SOX6: variants seen among roughly 807,000 people sequenced by gnomAD.
SOX6 encodes the protein SRY-box transcription factor 6, also known as transcription factor SOX-6.
A neutral mutation model predicts 97.8 loss-of-function variants in SOX6; 11 were observed. The ratio of observed to expected loss-of-function variants is 0.11; its 90% CI spans 0.07 to 0.19. The LOEUF (loss-of-function observed/expected upper bound fraction) is 0.19, where lower values mean the gene tolerates loss of function less well. Ranked by LOEUF, SOX6 falls within the 10% of genes least tolerant of loss-of-function variation. SOX6 has a pLI of 1.00. For missense variants in SOX6, 810 were observed against 1,039.5 expected (o/e 0.78, Z 3.04); for synonymous variants, 360 against 371.4 (o/e 0.97, Z 0.35).
At chr11:16,087,889 A>T (rs1034650671) in intron 9 of SOX6, among the ~76,000 whole-genome samples, 1 of 152,056 alleles carries the variant, frequency 6.6e-6, no homozygotes, top group Non-Finnish European at 1.5e-5. Flanking sequence ...TTGGAATTTT[A>T]GACTGTATAA....
intron 3 of SOX6, among the ~76,000 whole-genome samples, chr11:16,271,817 A>C (rs1421026106): frequency 6.6e-6 from 1 of 151,142 alleles, no homozygotes; most frequent in African/African-American, 2.4e-5. Flanking sequence ...TATTTTGATT[A>C]AACTGTTTTA....
chr11:16,108,463 T>C (rs958755344), intron 7 of SOX6, among the ~76,000 whole-genome samples: 2 of 152,218 alleles, frequency 1.3e-5, no homozygotes, highest in Non-Finnish European at 2.9e-5. Flanking sequence ...AGATGCTTTA[T>C]CTTTTAATTT....
chr11:16,589,333 G>C (rs987441965), intron 4 of SOX6, among the ~76,000 whole-genome samples: 29 of 152,042 alleles, frequency 1.9e-4, no homozygotes, highest in Non-Finnish European at 8.8e-5. Context: ...TCCTTACCTA[G>C]ATTTAAATAC....
At chr11:16,182,134 G>C (rs1851363040) in intron 6 of SOX6, among the ~76,000 whole-genome samples, 1 of 151,776 alleles carries the variant, frequency 6.6e-6, no homozygotes, top group South Asian at 2.1e-4. Flanking sequence ...AAAATATTCT[G>C]AACTGATTTG....
At chr11:16,043,344 G>T (rs769005525) in intron 12 of SOX6, among the ~76,000 whole-genome samples, 2 of 152,108 alleles carry the variant, frequency 1.3e-5, no homozygotes, top group Non-Finnish European at 2.9e-5. Flanking sequence ...CAGAAGCTAT[G>T]TTGAAACGAT....
intron 6 of SOX6, among the ~76,000 whole-genome samples, chr11:16,148,826 C>G (rs1297302229): frequency 1.3e-5 from 2 of 152,016 alleles, no homozygotes; most frequent in Non-Finnish European, 2.9e-5. Flanking sequence ...CTCTTGTCCT[C>G]AATTAATTGC....
intron 4 of SOX6, among the ~76,000 whole-genome samples, chr11:16,557,812 G>T (rs963155288): frequency 2.0e-5 from 3 of 151,780 alleles, no homozygotes; most frequent in Admixed American, 6.6e-5. Flanking sequence ...CACAAGAATT[G>T]TTCCTTTTTC....
intron 3 of SOX6, among the ~76,000 whole-genome samples, chr11:16,241,794 T>TA (rs747239481): frequency 1.3e-5 from 2 of 151,952 alleles, no homozygotes; most frequent in Non-Finnish European, 2.9e-5. Flanking sequence ...GGCACATAGA[T>TA]AGAGCCTGCC....
intron 1 of SOX6, among the ~76,000 whole-genome samples, chr11:16,459,555 A>T (rs1028304765): frequency 3.9e-5 from 6 of 152,046 alleles, no homozygotes; most frequent in Non-Finnish European, 7.4e-5. Flanking sequence ...TAAAACAGCT[A>T]TTATACTTGC....
intron 1 of SOX6, among the ~76,000 whole-genome samples, chr11:16,342,481 C>G (rs985719385): frequency 6.3e-4 from 95 of 151,912 alleles, no homozygotes; most frequent in African/African-American, 2.1e-3. Flanking sequence ...GAGCATTTTT[C>G]AAATTAGCAA....
At chr11:16,516,041 G>C (rs528419748) in intron 4 of SOX6, among the ~76,000 whole-genome samples, 1 of 151,548 alleles carries the variant, frequency 6.6e-6, no homozygotes, top group East Asian at 1.9e-4. Flanking sequence ...GCTCTTTTTT[G>C]GTTCCATATG....
chr11:16,185,115 A>T (rs1019435898), intron 5 of SOX6, among the ~76,000 whole-genome samples: 19 of 152,206 alleles, frequency 1.2e-4, no homozygotes, highest in Non-Finnish European at 5.9e-5. Flanking sequence ...ATGACAAAAT[A>T]GCAGTCTGCT....
intron 14 of SOX6, among the ~76,000 whole-genome samples, chr11:15,987,195 G>A (rs1447265136): frequency 6.6e-6 from 1 of 152,088 alleles, no homozygotes; most frequent in East Asian, 1.9e-4. Context: ...TTTGTGTCTC[G>A]CTGGTGAATA....
chr11:16,097,855 G>C (rs1362690792), intron 7 of SOX6, among the ~76,000 whole-genome samples, 167 bp from the exon 8 acceptor site: 2 of 151,780 alleles, frequency 1.3e-5, no homozygotes, highest in Non-Finnish European at 2.9e-5. Flanking sequence ...TGCTGCCTTG[G>C]AACTTTTTGT....
In SOX6 at chr11:16,130,746, A is replaced by G. The variant is rs1257806377; in HGVS notation, c.778-18823T>C. ...AAACTTACTATAATGCCATTTAGGT[A>G]TTAGGATGGTATTGGTTTAAGGATG... On this transcript the variant is annotated intron_variant, in intron 6 of 15. Transcript: ENST00000683767. 2.0e-5 allele frequency among the ~76,000 whole-genome samples: 3 copies of G among 152,016 alleles called. No homozygotes were observed. The East Asian group carries it at 5.8e-4, about 29-fold the overall frequency.
intron 4 of SOX6, among the ~76,000 whole-genome samples, chr11:16,210,749 TA>T (rs1210207053): frequency 1.3e-5 from 2 of 152,192 alleles, no homozygotes; most frequent in Non-Finnish European, 2.9e-5. Context: ...AATCGTTCAA[TA>T]AATATAATTT....
At chr11:16,255,141 A>G (rs1456190848) in intron 3 of SOX6, among the ~76,000 whole-genome samples, 1 of 152,100 alleles carries the variant, frequency 6.6e-6, no homozygotes, top group Non-Finnish European at 1.5e-5. Flanking sequence ...CAGGAGAAAT[A>G]GATGAATTCA....
chr11:16,618,270 T>C (rs767103980), intron 3 of SOX6, among the ~76,000 whole-genome samples: 4 of 151,956 alleles, frequency 2.6e-5, no homozygotes, highest in Non-Finnish European at 1.5e-5. Context: ...CAATATGGAA[T>C]ATGCCCAAGA....
At chr11:16,375,063 C>CA (rs1009014829) in intron 1 of SOX6, among the ~76,000 whole-genome samples, 12 of 150,590 alleles carry the variant, frequency 8.0e-5, no homozygotes, top group African/African-American at 2.7e-4. Context: ...CAACATCTAA[C>CA]AAAAAAAAAT....
Sources: allele counts gnomAD v4.1 joint callset (sites outside exome capture counted in the v4.1 genomes callset), GRCh38; gene constraint gnomAD v4.1.1; transcripts MANE v1.5; gene names NCBI Gene and HGNC (gene_info 2026-07-23, HGNC 2026-07-21).